Variants in ODAD2 observed in about 807,000 individuals in gnomAD.
The protein encoded by ODAD2 is outer dynein arm docking complex subunit 2, also known as outer dynein arm-docking complex subunit 2.
In ODAD2, 89 loss-of-function variants were observed where a neutral mutation model predicts 106.8. The ratio of observed to expected loss-of-function variants is 0.83; its 90% CI spans 0.70 to 0.99. The LOEUF (loss-of-function observed/expected upper bound fraction) is 0.99, where lower values mean the gene tolerates loss of function less well. ODAD2 is among the 50% of genes least tolerant of loss of function. ODAD2 has a pLI of 0.00. For synonymous variants in ODAD2, 404 were observed against 436.2 expected (o/e 0.93, Z 0.92); for missense variants, 1,168 against 1,238.5 (o/e 0.94, Z 0.85).
At chr10:27,874,720 A>G (rs1841188371) in intron 17 of ODAD2, among the ~76,000 whole-genome samples, 1 of 152,112 alleles carries the variant, frequency 6.6e-6, no homozygotes, top group Admixed American at 6.5e-5. Context: ...CTGCCGAGAG[A>G]TCCACTGTTA....
intron 10 of ODAD2, among the ~76,000 whole-genome samples, chr10:27,954,736 T>G (rs1847602665): frequency 6.6e-6 from 1 of 152,236 alleles, no homozygotes; most frequent in Admixed American, 6.5e-5. Context: ...AGCTCAAAAA[T>G]TTAAATACAG....
chr10:27,982,343 C>T (rs1274620391), intron 6 of ODAD2, among the ~76,000 whole-genome samples: 3 of 151,908 alleles, frequency 2.0e-5, no homozygotes, highest in Admixed American at 2.0e-4. Context: ...TTTTTTAAAA[C>T]TTAAAGGGAT....
intron 7 of ODAD2, among the ~76,000 whole-genome samples, chr10:27,977,287 G>T (rs976278431): frequency 6.6e-6 from 1 of 151,904 alleles, no homozygotes; most frequent in Non-Finnish European, 1.5e-5. Context: ...AGACTCGGCC[G>T]GGCACGGTGG....
At chr10:27,943,274 C>T (rs1846582723) in intron 12 of ODAD2, among the ~76,000 whole-genome samples, 1 of 152,086 alleles carries the variant, frequency 6.6e-6, no homozygotes, top group African/African-American at 2.4e-5. Context: ...AAAAGCAAGA[C>T]TTAGACAAAG....
At chr10:27,931,079 C>A (rs1362810150) in intron 16 of ODAD2, among the ~76,000 whole-genome samples, 1 of 152,098 alleles carries the variant, frequency 6.6e-6, no homozygotes, top group Non-Finnish European at 1.5e-5. Context: ...GTCTTCACTT[C>A]TTCCAAGACC....
At chr10:27,856,174 G>A (rs528838213) in intron 19 of ODAD2, among the ~76,000 whole-genome samples, 76 of 152,228 alleles carry the variant, frequency 5.0e-4, no homozygotes, top group Middle Eastern at 3.4e-3. Context: ...AATTTGTAAT[G>A]ATACAAATCC....
intron 2 of ODAD2, among the ~76,000 whole-genome samples, chr10:27,991,637 C>T (rs187567067): frequency 3.9e-5 from 6 of 152,240 alleles, no homozygotes; most frequent in East Asian, 3.9e-4. Flanking sequence ...TTATCTACTT[C>T]GGCAGAATTT....
chr10:27,826,989 T>C (rs1275902002), intron 19 of ODAD2, among the ~76,000 whole-genome samples: 1 of 152,172 alleles, frequency 6.6e-6, no homozygotes, highest in East Asian at 1.9e-4. Context: ...TCACTTCTTA[T>C]TCAAGGCCAT....
At chr10:27,839,475 G>T (rs1398673779) in intron 19 of ODAD2, among the ~76,000 whole-genome samples, 6 of 152,300 alleles carry the variant, frequency 3.9e-5, no homozygotes, top group Middle Eastern at 6.8e-3. Flanking sequence ...GTTTTTGAGT[G>T]CAACATTATG....
At chr10:27,941,595 A>ATTTTTTTT (rs1846439557) in intron 12 of ODAD2, among the ~76,000 whole-genome samples, 1 of 83,092 alleles carries the variant, frequency 1.2e-5, no homozygotes, top group Non-Finnish European at 2.6e-5. Context: ...GCCAGCATCC[A>ATTTTTTTT]GTTTTTTTTT....
At chr10:27,913,905 C>T (rs1590002029) in intron 16 of ODAD2, among the ~76,000 whole-genome samples, 1 of 152,234 alleles carries the variant, frequency 6.6e-6, no homozygotes, top group East Asian at 1.9e-4. Context: ...TTAGTTCAGC[C>T]ACTGTGAAAA....
At chr10:27,945,065 G>T in intron 10 of ODAD2, 103 bp from the exon 11 acceptor site, 2 of 1,370,492 alleles carry the variant, frequency 1.5e-6, no homozygotes, top group Non-Finnish European at 2.0e-6. Context: ...GTCTCTGAGT[G>T]GGCTAGAATT....
intron 19 of ODAD2, among the ~76,000 whole-genome samples, chr10:27,836,383 C>T (rs990158567): frequency 6.6e-6 from 1 of 152,020 alleles, no homozygotes; most frequent in Non-Finnish European, 1.5e-5. Flanking sequence ...CACTCATTTC[C>T]CTGCATCCTG....
chr10:27,919,327 G>A (rs1242222537), intron 16 of ODAD2, among the ~76,000 whole-genome samples: 1 of 151,912 alleles, frequency 6.6e-6, no homozygotes, highest in African/African-American at 2.4e-5. Context: ...AACCTTAAAG[G>A]ACAACCGAAA....
At chr10:27,845,307 T>C (rs1838648958) in intron 19 of ODAD2, among the ~76,000 whole-genome samples, 1 of 152,160 alleles carries the variant, frequency 6.6e-6, no homozygotes, top group Admixed American at 6.5e-5. Context: ...CAGAATTTCA[T>C]AGCCAGCCAA....
intron 17 of ODAD2, among the ~76,000 whole-genome samples, chr10:27,888,241 GT>G (rs1284151906): frequency 1.3e-5 from 2 of 152,034 alleles, no homozygotes; most frequent in African/African-American, 2.4e-5. Context: ...TCTCCATACA[GT>G]TTTCTATAGA....
intron 7 of ODAD2, among the ~76,000 whole-genome samples, chr10:27,976,401 T>C (rs1198029233): frequency 2.0e-5 from 3 of 152,112 alleles, no homozygotes; most frequent in Middle Eastern, 3.2e-3. Flanking sequence ...TAAGGGAGTT[T>C]AGCAAAATTT....
rs1471706689 is a variant in ODAD2, at chr10:27,934,993, T to A, written c.2495+17A>T. The stretch of plus-strand genomic sequence containing the variant: ...CTAACACTTATATAAAATCTTTCCA[T>A]CTCCAGGGCCACTTACATCATACTT... On this transcript the variant is annotated intron_variant, in intron 16 of 19. Transcript: ENST00000305242. The A allele has an allele frequency of 6.2e-7, 1 of 1,613,304 alleles. No individual in the cohort carries two copies. Among genetic ancestry groups the A allele is most frequent in the East Asian group, 2.2e-5 (1 of 44,858 alleles).
intron 19 of ODAD2, among the ~76,000 whole-genome samples, chr10:27,840,186 AT>A (rs1258690990): frequency 2.0e-5 from 3 of 152,096 alleles, no homozygotes; most frequent in Non-Finnish European, 4.4e-5. Context: ...CCCTCTGTAC[AT>A]TTTTTTCTAT....
Sources: allele counts gnomAD v4.1 joint callset (sites outside exome capture counted in the v4.1 genomes callset), GRCh38; gene constraint gnomAD v4.1.1; transcripts MANE v1.5; gene names NCBI Gene and HGNC (gene_info 2026-07-23, HGNC 2026-07-21).